Variants in STAG1 observed in about 807,000 individuals in gnomAD.
STAG1 encodes cohesin subunit SA-1.
In STAG1, 26 loss-of-function variants were observed where a neutral mutation model predicts 170.9. The observed-to-expected ratio is 0.15, with a 90% CI of 0.11 to 0.21. The LOEUF (loss-of-function observed/expected upper bound fraction) is 0.21, where lower values mean the gene tolerates loss of function less well. Ranked by LOEUF, STAG1 falls within the 10% of genes least tolerant of loss-of-function variation. The pLI, the probability that STAG1 is intolerant of heterozygous loss-of-function variation, is 1.00. For missense variants in STAG1, 964 were observed against 1,509.5 expected (o/e 0.64, Z 5.99); for synonymous variants, 514 against 497.7 (o/e 1.03, Z -0.44).
intron 1 of STAG1, among the ~76,000 whole-genome samples, chr3:136,643,408 C>G (rs1461106664): frequency 6.6e-6 from 1 of 152,156 alleles, no homozygotes; most frequent in East Asian, 1.9e-4. Context: ...TAAATTACTT[C>G]AAAAGGATGG....
intron 6 of STAG1, among the ~76,000 whole-genome samples, chr3:136,525,808 C>T (rs548912810): frequency 4.3e-4 from 66 of 152,258 alleles, no homozygotes; most frequent in African/African-American, 1.5e-3. Context: ...TTTGTTCTCA[C>T]TGGTTTCAAA....
chr3:136,502,544 T>C, intron 8 of STAG1, 84 bp downstream of exon 8: 1 of 1,419,568 alleles, frequency 7.0e-7, no homozygotes, highest in East Asian at 2.3e-5. Context: ...ATAAACCTTT[T>C]TACAGGGAAC....
intron 1 of STAG1, among the ~76,000 whole-genome samples, chr3:136,741,441 T>A (rs1410394898): frequency 6.6e-6 from 1 of 152,232 alleles, no homozygotes; most frequent in Admixed American, 6.5e-5. Context: ...TTATTATAAC[T>A]GAAAGATTCC....
intron 5 of STAG1, among the ~76,000 whole-genome samples, chr3:136,553,174 C>T (rs1936474558): frequency 6.6e-6 from 1 of 152,018 alleles, no homozygotes; most frequent in Non-Finnish European, 1.5e-5. Flanking sequence ...GAACAATACA[C>T]TAACTGAAAT....
intron 5 of STAG1, among the ~76,000 whole-genome samples, chr3:136,564,040 A>C (rs1936958660): frequency 6.6e-6 from 1 of 152,136 alleles, no homozygotes; most frequent in Admixed American, 6.5e-5. Flanking sequence ...AATACAGGGA[A>C]AATCCCTACT....
chr3:136,354,957 C>A (rs1936588514), intron 28 of STAG1, among the ~76,000 whole-genome samples: 1 of 151,778 alleles, frequency 6.6e-6, no homozygotes, highest in Non-Finnish European at 1.5e-5. Context: ...AAACAGTAGT[C>A]AAAATAAAGC....
intron 1 of STAG1, among the ~76,000 whole-genome samples, chr3:136,720,133 G>A (rs1022339966): frequency 1.4e-5 from 2 of 146,578 alleles, no homozygotes; most frequent in Admixed American, 7.0e-5. Context: ...CTGAGATCGC[G>A]CCATTGCACT....
At chr3:136,383,738 G>A (rs1300146915) in intron 22 of STAG1, among the ~76,000 whole-genome samples, 5 of 151,146 alleles carry the variant, frequency 3.3e-5, no homozygotes, top group South Asian at 2.1e-4. Context: ...GGCGGATCAC[G>A]AGGTCAGGAG....
intron 1 of STAG1, among the ~76,000 whole-genome samples, chr3:136,696,748 T>C (rs1942906294): frequency 6.6e-6 from 1 of 152,192 alleles, no homozygotes; most frequent in African/African-American, 2.4e-5. Flanking sequence ...TCAAATGCAC[T>C]GTGCTTAATA....
chr3:136,559,124 C>CTATCTATCTAT (rs1553745528), intron 5 of STAG1, among the ~76,000 whole-genome samples: 25 of 143,984 alleles, frequency 1.7e-4, no homozygotes, highest in African/African-American at 5.4e-4. Flanking sequence ...CACTGAACTA[C>CTATCTATCTAT]CTATCTATCT....
intron 9 of STAG1, among the ~76,000 whole-genome samples, chr3:136,488,168 G>T (rs2090053730): frequency 6.6e-6 from 1 of 152,244 alleles, no homozygotes; most frequent in Non-Finnish European, 1.5e-5. Context: ...TGTCACTCAG[G>T]TTGGAGTGCA....
At chr3:136,505,862 C>A (rs1247711667) in intron 7 of STAG1, among the ~76,000 whole-genome samples, 4 of 152,288 alleles carry the variant, frequency 2.6e-5, no homozygotes, top group Non-Finnish European at 5.9e-5. Context: ...CACATGATTC[C>A]ACAGCAGAAC....
At chr3:136,610,266 A>C (rs1939204472) in intron 3 of STAG1, among the ~76,000 whole-genome samples, 1 of 152,024 alleles carries the variant, frequency 6.6e-6, no homozygotes, top group Non-Finnish European at 1.5e-5. Context: ...CAAATTCCTG[A>C]CCTTGTGATC....
intron 4 of STAG1, among the ~76,000 whole-genome samples, chr3:136,576,685 A>G (rs1321876546): frequency 6.6e-6 from 1 of 152,224 alleles, no homozygotes; most frequent in African/African-American, 2.4e-5. Context: ...GTGGTTAAAG[A>G]TGAGTTTTAA....
chr3:136,342,512 G>A (rs1936023576), intron 30 of STAG1, among the ~76,000 whole-genome samples: 1 of 148,984 alleles, frequency 6.7e-6, no homozygotes, highest in Non-Finnish European at 1.5e-5. Context: ...TTGAGACAGA[G>A]TCTGTGTCAC....
intron 12 of STAG1, among the ~76,000 whole-genome samples, 154 bp from the exon 13 acceptor site, chr3:136,465,142 A>C (rs1182957044): frequency 6.6e-6 from 1 of 152,070 alleles, no homozygotes; most frequent in Non-Finnish European, 1.5e-5. Context: ...TTCCCCTTTA[A>C]GTATAAAAGA....
At chr3:136,339,624 C>A (rs140434213) in intron 32 of STAG1, among the ~76,000 whole-genome samples, 1 of 152,150 alleles carries the variant, frequency 6.6e-6, no homozygotes, top group Non-Finnish European at 1.5e-5. Flanking sequence ...TTTCTATGTA[C>A]CCATCACCCA....
At chr3:136,726,148 A>C (rs1251932658) in intron 1 of STAG1, among the ~76,000 whole-genome samples, 1 of 152,156 alleles carries the variant, frequency 6.6e-6, no homozygotes, top group Non-Finnish European at 1.5e-5. Flanking sequence ...CAACCTTGCC[A>C]CTAGTGACAT....
chr3:136,460,689 C>T (rs374978364), intron 13 of STAG1, among the ~76,000 whole-genome samples: 5 of 150,308 alleles, frequency 3.3e-5, no homozygotes, highest in Admixed American at 1.3e-4. Context: ...GTCTCCCCCC[C>T]CAAAAAAAAA....
Sources: gnomAD v4.1 joint callset for allele counts (sites outside exome capture counted in the v4.1 genomes callset) on GRCh38, gnomAD v4.1.1 for gene constraint, MANE v1.5 for transcripts, NCBI Gene and HGNC (gene_info 2026-07-23, HGNC 2026-07-21) for gene names.